Variants in GRK3 observed in about 807,000 individuals in gnomAD.
GRK3 encodes the protein adrenergic, beta, receptor kinase 2.
A neutral mutation model predicts 95.7 loss-of-function variants in GRK3; 54 were observed. That is an observed-to-expected ratio of 0.56 (90% CI 0.45 to 0.71). The LOEUF is 0.71. GRK3 is among the 30% of genes least tolerant of loss of function. The pLI is 0.00. For synonymous variants in GRK3, 281 were observed against 290.8 expected (o/e 0.97, Z 0.34); for missense variants, 649 against 851.2 (o/e 0.76, Z 2.96).
chr22:25,688,009 G>T (rs967132528), intron 11 of GRK3, among the ~76,000 whole-genome samples: 2 of 152,134 alleles, frequency 1.3e-5, no homozygotes, highest in Non-Finnish European at 2.9e-5. Context: ...GGCCAAGGAG[G>T]GCGGATCACA....
intron 1 of GRK3, among the ~76,000 whole-genome samples, chr22:25,592,592 A>T (rs530440127): frequency 6.6e-6 from 1 of 152,138 alleles, no homozygotes; most frequent in South Asian, 2.1e-4. Flanking sequence ...GAGAACTTTT[A>T]TAGTTTTAGG....
At position 25,726,086 on chromosome 22, in the gene GRK3, T is replaced by C. The variant is rs2085471707; in HGVS notation, c.*3636T>C. On this transcript the variant is annotated 3_prime_UTR_variant, in exon 21 of 21. Transcript: ENST00000324198. ...GTAGCTTGATTTCTGGTCTGACATATGCCATATACAGATATTAGAAACGAC... is the reference window on the plus strand; with the variant it reads ...GTAGCTTGATTTCTGGTCTGACATACGCCATATACAGATATTAGAAACGAC... The C allele has an allele frequency of 6.6e-6, 1 of 152,414 alleles. No individual in the cohort carries two copies. The highest frequency in any genetic ancestry group is 1.5e-5 in the Non-Finnish European group (1 of 68,186). 9.4% of individuals were successfully genotyped at this position (152,414 alleles called of 1,614,324 possible).
intron 1 of GRK3, among the ~76,000 whole-genome samples, chr22:25,575,153 C>T (rs891716554): frequency 6.6e-6 from 1 of 152,312 alleles, no homozygotes; most frequent in African/African-American, 2.4e-5. Flanking sequence ...TGACTCTCCA[C>T]ATTTCTGTCC....
At chr22:25,648,669 T>C in intron 3 of GRK3, 1 of 1,025,144 alleles carries the variant, frequency 9.8e-7, no homozygotes. Context: ...AAAAGGAAGC[T>C]TATTCAATTT....
intron 4 of GRK3, among the ~76,000 whole-genome samples, chr22:25,663,172 T>C (rs1471639885): frequency 6.6e-6 from 1 of 152,160 alleles, no homozygotes; most frequent in East Asian, 1.9e-4. Context: ...CACACCACCA[T>C]GCCTGGCTCA....
chr22:25,683,265 T>C (rs1355181846), intron 9 of GRK3, among the ~76,000 whole-genome samples: 2 of 152,284 alleles, frequency 1.3e-5, no homozygotes, highest in Non-Finnish European at 2.9e-5. Flanking sequence ...ATACTATCCA[T>C]TCTACTGTTG....
intron 1 of GRK3, chr22:25,580,125 G>C (rs1449713774): frequency 1.3e-5 from 2 of 152,206 alleles, no homozygotes; most frequent in Non-Finnish European, 2.9e-5. Context: ...GAAATATGGA[G>C]AGAGAGGAAC....
intron 2 of GRK3, among the ~76,000 whole-genome samples, chr22:25,638,067 C>T (rs571725451): frequency 6.6e-6 from 1 of 152,342 alleles, no homozygotes; most frequent in African/African-American, 2.4e-5. Context: ...ACATCCACCC[C>T]TTGTCATCCT....
At chr22:25,703,866 G>T (rs1365882161) in intron 14 of GRK3, among the ~76,000 whole-genome samples, 3 of 152,132 alleles carry the variant, frequency 2.0e-5, no homozygotes, top group Non-Finnish European at 4.4e-5. Flanking sequence ...TCAAAGAAAA[G>T]GAGAAATTAC....
At chr22:25,631,707 A>G (rs1439895982) in intron 2 of GRK3, among the ~76,000 whole-genome samples, 3 of 152,080 alleles carry the variant, frequency 2.0e-5, no homozygotes, top group Non-Finnish European at 4.4e-5. Flanking sequence ...GCAGTTAGTT[A>G]CCTCTCCAAA....
chr22:25,695,034 G>C, intron 12 of GRK3, 73 bp from the exon 13 acceptor site: 1 of 1,055,796 alleles, frequency 9.5e-7, no homozygotes. Context: ...AAGGACACCC[G>C]GACCTTGGGG....
At chr22:25,587,518 T>G (rs1415638776) in intron 1 of GRK3, among the ~76,000 whole-genome samples, 1 of 152,192 alleles carries the variant, frequency 6.6e-6, no homozygotes, top group African/African-American at 2.4e-5. Flanking sequence ...AATCTCTGCC[T>G]CCCAGGCTTA....
chr22:25,640,000 T>A (rs989987171), intron 2 of GRK3, among the ~76,000 whole-genome samples: 4 of 152,202 alleles, frequency 2.6e-5, no homozygotes, highest in Non-Finnish European at 5.9e-5. Context: ...TTGGTTTTTA[T>A]CTAATGACCT....
rs2085126809 is a variant in GRK3 at position 25,687,642 on chromosome 22, G to A, written c.932G>A (p.Arg311Gln). The A allele has an allele frequency of 6.2e-7, 1 of 1,614,088 alleles. No individual in the cohort carries two copies. Among genetic ancestry groups the A allele is most frequent in the Non-Finnish European group, 8.5e-7 (1 of 1,179,992 alleles). The part of the protein sequence containing the change: ...IILGLEHMHN[R>Q]FVVYRDLKPA... Reference sequence around the variant, plus strand: ...CTGGGTCTGGAACACATGCACAATCGGTTTGTTGTCTACAGAGATTTGAAG... The same window carrying A: ...CTGGGTCTGGAACACATGCACAATCAGTTTGTTGTCTACAGAGATTTGAAG... Residue 311 changes from arginine to glutamine, a missense_variant, in exon 11 of 21, where the codon CGG (arginine) becomes CAG (glutamine). Physicochemically the swap from Arg to Gln is conservative, Grantham distance 43. This residue lies in a region of GRK3 where 382 missense variants were observed against 493.8 expected (regional missense o/e 0.77). Coordinates refer to ENST00000324198, the MANE Select transcript of GRK3 (RefSeq NM_005160.4).
chr22:25,594,378 A>C (rs2084357213), intron 1 of GRK3, among the ~76,000 whole-genome samples: 1 of 152,152 alleles, frequency 6.6e-6, no homozygotes. Flanking sequence ...CTGATGCCAA[A>C]ACCTGGCAAA....
intron 1 of GRK3, among the ~76,000 whole-genome samples, chr22:25,578,948 T>C (rs944416090): frequency 2.0e-5 from 3 of 152,066 alleles, no homozygotes; most frequent in Admixed American, 6.5e-5. Flanking sequence ...TGTGGATATC[T>C]CATGCTATCC....
chr22:25,687,716 G>A (rs1469043825), intron 11 of GRK3, 49 bp downstream of exon 11: 1 of 1,602,590 alleles, frequency 6.2e-7, no homozygotes, highest in Non-Finnish European at 8.5e-7. Context: ...TTGTGTGAAT[G>A]GTCCTCTAGA....
At chr22:25,680,774 T>C (rs1348980759) in intron 9 of GRK3, among the ~76,000 whole-genome samples, 2 of 152,216 alleles carry the variant, frequency 1.3e-5, no homozygotes, top group Non-Finnish European at 2.9e-5. Flanking sequence ...ATAGTAAAGT[T>C]ATTTGGAATT....
rs1017651170 is a variant in GRK3, at chr22:25,577,601, C to T, written c.113+12448C>T. ...AAAGGTTGTTGAGCTCAGCTTGGGACAGAGTTGTATTTGTCAGGAGCACAT... is the reference window on the plus strand; with the variant it reads ...AAAGGTTGTTGAGCTCAGCTTGGGATAGAGTTGTATTTGTCAGGAGCACAT... On this transcript the variant is annotated intron_variant, in intron 1 of 20. Transcript: ENST00000324198. 3.9e-5 allele frequency among the ~76,000 whole-genome samples: 6 copies of T among 152,198 alleles called. No individual in the cohort carries two copies. In the East Asian group the frequency reaches 9.6e-4, roughly 24 times the overall value.
Sources: gnomAD v4.1 joint callset for allele counts (sites outside exome capture counted in the v4.1 genomes callset) on GRCh38, gnomAD v4.1.1 for gene constraint, gnomAD v4.1.1 regional missense constraint, MANE v1.5 for transcripts, NCBI Gene and HGNC (gene_info 2026-07-23, HGNC 2026-07-21) for gene names.